The following ANP32E variants were observed in gnomAD, a reference collection of about 807,000 sequenced individuals.
The protein encoded by ANP32E is acidic nuclear phosphoprotein 32 family member E.
A neutral mutation model predicts 35.3 loss-of-function variants in ANP32E; 14 were observed. That is an observed-to-expected ratio of 0.40 (90% CI 0.26 to 0.62). The LOEUF (loss-of-function observed/expected upper bound fraction) is 0.62. Ranked by LOEUF, ANP32E falls within the 20% of genes least tolerant of loss-of-function variation. ANP32E has a pLI of 0.45. For missense variants in ANP32E, 198 were observed against 304.4 expected, an observed-to-expected ratio of 0.65 and a Z score of 2.60; for synonymous variants, 89 against 110.4, an observed-to-expected ratio of 0.81 and a Z score of 1.22.
At chr1:150,232,032 G>C (rs782689026) in intron 1 of ANP32E, 106 bp from the exon 2 acceptor site, 203 of 1,171,920 alleles carry the variant, frequency 1.7e-4, no homozygotes, top group Non-Finnish European at 2.4e-4. Context: ...CCAATCTCCA[G>C]TTTGATTGCC....
At position 150,235,848 on chromosome 1, in the gene ANP32E, C is replaced by A; in HGVS notation, c.-62G>T. 7.9e-7 allele frequency: 1 copy of A among 1,273,806 alleles called. No individual in the cohort carries two copies. The highest frequency in any genetic ancestry group is 1.1e-6 in the Non-Finnish European group (1 of 894,448). The allele number at this position is 1,273,806 out of a possible 1,614,324, so 78.9% of individuals were successfully genotyped here. A position where few individuals can be genotyped will look rare whatever the true frequency, so the allele number is the denominator to read the frequency against. On this transcript the variant is annotated 5_prime_UTR_variant, in exon 1 of 7. Transcript: ENST00000583931. The surrounding 1 kb of genome is among the most constrained non-coding windows in gnomAD (Gnocchi z 4.2). The stretch of plus-strand genomic sequence containing the variant: ...CCCTTTCCTGCCTTCCCCAATACCC[C>A]CAACCCAAAATTTTTAAGAGATTTA...
chr1:150,235,798 G>T lies in ANP32E; in HGVS notation c.-12C>A. 1.3e-6 allele frequency: 2 copies of T among 1,571,182 alleles called. No homozygotes were observed. The highest frequency in any genetic ancestry group is 1.7e-6 in the Non-Finnish European group (2 of 1,150,698). ...TTCTTCATCTCCATGTCCTCCTCTT[G>T]CTCTTCAGCTACTACTCTCCTTTTC... On this transcript the variant is annotated 5_prime_UTR_variant, in exon 1 of 7. Coordinates refer to ENST00000583931, the MANE Select transcript of ANP32E (RefSeq NM_030920.5). The surrounding 1 kb of genome is among the most constrained non-coding windows in gnomAD (Gnocchi z 4.2).
At chr1:150,230,463 C>G in intron 3 of ANP32E, 108 bp downstream of exon 3, 1 of 1,148,128 alleles carries the variant, frequency 8.7e-7, no homozygotes, top group Non-Finnish European at 1.2e-6. Flanking sequence ...TCACAACATA[C>G]AAAAAATTCT....
intron 1 of ANP32E, among the ~76,000 whole-genome samples, chr1:150,234,151 C>T (rs2101798501): frequency 6.6e-6 from 1 of 150,614 alleles, no homozygotes; most frequent in Middle Eastern, 3.4e-3. Flanking sequence ...TTGCACACCC[C>T]AAAACTGGCA....
chr1:150,221,607 A>T (rs1648413179), intron 6 of ANP32E, among the ~76,000 whole-genome samples: 1 of 143,198 alleles, frequency 7.0e-6, no homozygotes, highest in African/African-American at 2.6e-5. Flanking sequence ...GGAGGGAGGG[A>T]AGGAAGGAAG....
At chr1:150,234,476 G>T (rs1483001681) in intron 1 of ANP32E, 4 of 551,476 alleles carry the variant, frequency 7.3e-6, no homozygotes, top group Non-Finnish European at 9.2e-6. Context: ...GGACGCGAAA[G>T]CCCAGACAGA....
At chr1:150,230,493 A>C in intron 3 of ANP32E, 78 bp downstream of exon 3, 1 of 1,396,720 alleles carries the variant, frequency 7.2e-7, no homozygotes, top group Non-Finnish European at 9.6e-7. Context: ...AGAGTTAAAT[A>C]GAAATTAATA....
At position 150,220,526 on chromosome 1, in the gene ANP32E, CTA is replaced by C; in HGVS notation, c.*163_*164del. The C allele has an allele frequency of 1.6e-6, 1 of 637,176 alleles. No individual in the cohort carries two copies. The highest frequency in any genetic ancestry group is 2.7e-6 in the Non-Finnish European group (1 of 364,016). The allele number at this position is 637,176 out of a possible 1,614,324, so 39.5% of individuals were successfully genotyped here. A position where few individuals can be genotyped will look rare whatever the true frequency, so the allele number is the denominator to read the frequency against. ...TACATACAATATGATCATTAACAGACTAGTTCTTATTTGGAATGATAAGGCAA... is the reference window on the plus strand; with the variant it reads ...TACATACAATATGATCATTAACAGACGTTCTTATTTGGAATGATAAGGCAA... On this transcript the variant is annotated 3_prime_UTR_variant, in exon 7 of 7. Transcript: ENST00000583931.
In ANP32E at chr1:150,221,604, G is replaced by GGGAAAGAAGGAAGGAAGGAAGGAAGGAA. The variant is rs1648411408; in HGVS notation, c.737-844_737-843insTTCCTTCCTTCCTTCCTTCCTTCTTTCC. ...AGGAAGGGAGGGAGGGAGGGAGGGA[G>GGGAAAGAAGGAAGGAAGGAAGGAAGGAA]GGAAGGAAGGAAGGAAGGAAGGAAA... On this transcript the variant is annotated intron_variant, in intron 6 of 6. Transcript: ENST00000583931. Among the ~76,000 whole-genome samples, 3 of 36,896 alleles carry GGGAAAGAAGGAAGGAAGGAAGGAAGGAA rather than the reference G, an allele frequency of 8.1e-5. No homozygotes were observed. In the East Asian group the frequency reaches 3.5e-3, roughly 43 times the overall value. The allele number at this position is 36,896 out of a possible 152,430, so 24.2% of individuals were successfully genotyped here. A position where few individuals can be genotyped will look rare whatever the true frequency, so the allele number is the denominator to read the frequency against.
chr1:150,229,177 C>T lies in ANP32E; in HGVS notation c.388G>A (p.Asp130Asn). The change falls in exon 4 of 7, where the codon GAT (aspartate) becomes AAT (asparagine). Residue 130 changes from aspartate (D) to asparagine (N), a missense_variant. Physicochemically the swap from Asp to Asn is conservative, Grantham distance 23. Transcript: ENST00000583931. ...LFNCEITNLE[D>N]YRESIFELLQ... The stretch of plus-strand genomic sequence containing the variant: ...AGTTCAAAAATACTTTCTCTATAAT[C>T]TTCCAGGTTTGTGATCTCACAGTTA... 6.2e-7 allele frequency: 1 copy of T among 1,612,978 alleles called. No individual in the cohort carries two copies. Among genetic ancestry groups the T allele is most frequent in the South Asian group, 1.1e-5 (1 of 91,048 alleles).
At chr1:150,225,475 G>A (rs1648785735) in intron 5 of ANP32E, among the ~76,000 whole-genome samples, 1 of 151,802 alleles carries the variant, frequency 6.6e-6, no homozygotes, top group Non-Finnish European at 1.5e-5. Context: ...TTCAAGACCA[G>A]CCTGGCCAAC....
chr1:150,223,637 C>G (rs1397119771), intron 5 of ANP32E, among the ~76,000 whole-genome samples: 1 of 136,876 alleles, frequency 7.3e-6, no homozygotes, highest in Admixed American at 7.7e-5. Flanking sequence ...GCTGAGATAG[C>G]GCCATTGCAC....
At chr1:150,233,157 C>T (rs1462823135) in intron 1 of ANP32E, among the ~76,000 whole-genome samples, 6 of 149,368 alleles carry the variant, frequency 4.0e-5, no homozygotes, top group Non-Finnish European at 5.9e-5. Flanking sequence ...GCCAGCTACT[C>T]GGGAAGTTGA....
At position 150,226,797 on chromosome 1, in the gene ANP32E, T is replaced by G; in HGVS notation, c.494-2A>C. The G allele has an allele frequency of 1.3e-6, 2 of 1,596,924 alleles. No individual in the cohort carries two copies. Among genetic ancestry groups the G allele is most frequent in the Non-Finnish European group, 1.7e-6 (2 of 1,175,090 alleles). On this transcript the variant is annotated splice_acceptor_variant, in intron 4 of 6. Transcript: ENST00000583931. LOFTEE classifies it high-confidence loss of function. The stretch of plus-strand genomic sequence containing the variant: ...CCTCTTCATCATCTTCATCGCCATC[T>G]TTAAAAAATCATTTAAAGATGAGTA...
chr1:150,235,613 A>C lies in ANP32E; in HGVS notation c.54+120T>G. The C allele has an allele frequency of 9.3e-7, 1 of 1,071,386 alleles. No homozygotes were observed. 66.4% of individuals were successfully genotyped at this position (1,071,386 alleles called of 1,614,324 possible). ...AAAATTAAACATTTCCCCAACCCTA[A>C]CCCGGGGGGATGGGGGCTAACTTAT... is the stretch of plus-strand genomic sequence containing the variant. On this transcript the variant is annotated intron_variant, in intron 1 of 6. Coordinates refer to ENST00000583931, the MANE Select transcript of ANP32E (RefSeq NM_030920.5). The surrounding 1 kb of genome is among the most constrained non-coding windows in gnomAD (Gnocchi z 4.2).
chr1:150,222,755 TCAAA>T (rs756752088), intron 6 of ANP32E, among the ~76,000 whole-genome samples: 3 of 151,288 alleles, frequency 2.0e-5, no homozygotes, highest in African/African-American at 7.3e-5. Context: ...AGACCCTGTT[TCAAA>T]CAAACAAACA....
chr1:150,220,725 T>A lies in ANP32E; in HGVS notation c.773A>T (p.Asp258Val). ...TTCTTCCTCTCCATCGTCTTCAGCA[T>A]CTCGTTTCCTCTTCTCCCCTCGAAG... is the stretch of plus-strand genomic sequence containing the variant. ...GGLRGEKRKRDAEDDGEEEDD is the reference protein window; with the variant it reads ...GGLRGEKRKRVAEDDGEEEDD The change falls in exon 7 of 7, where the codon GAT becomes GTT. Residue 258 changes from aspartate (D) to valine (V), a missense_variant. Asp to Val is a radical substitution (Grantham distance 152). Transcript: ENST00000583931. The A allele has an allele frequency of 6.2e-7, 1 of 1,614,084 alleles. No homozygotes were observed. The highest frequency in any genetic ancestry group is 8.5e-7 in the Non-Finnish European group (1 of 1,179,974).
At chr1:150,233,220 G>A (rs1337494016) in intron 1 of ANP32E, among the ~76,000 whole-genome samples, 1 of 140,978 alleles carries the variant, frequency 7.1e-6, no homozygotes, top group Non-Finnish European at 1.5e-5. Flanking sequence ...AGCCGAGGCC[G>A]CACCATTGCA....
In ANP32E at chr1:150,223,136, A is replaced by G. The variant is rs782695775; in HGVS notation, c.736+50T>C. Reference sequence around the variant, plus strand: ...AAATACAAATAAATAAAGTATAAAAAATGACTATGTCTTTAATTTTATAAT... The same window carrying G: ...AAATACAAATAAATAAAGTATAAAAGATGACTATGTCTTTAATTTTATAAT... On this transcript the variant is annotated intron_variant, in intron 6 of 6. Transcript: ENST00000583931. 5 of 1,465,570 alleles carry G rather than the reference A, an allele frequency of 3.4e-6. No homozygotes were observed. The Admixed American group carries it at 1.1e-4, about 31-fold the overall frequency. The allele number at this position is 1,465,570 out of a possible 1,614,324, so 90.8% of individuals were successfully genotyped here. A position where few individuals can be genotyped will look rare whatever the true frequency, so the allele number is the denominator to read the frequency against.
Sources: allele counts gnomAD v4.1 joint callset (sites outside exome capture counted in the v4.1 genomes callset), GRCh38; gene constraint gnomAD v4.1.1; non-coding constraint Gnocchi (gnomAD v3.1); transcripts MANE v1.5; gene names NCBI Gene and HGNC (gene_info 2026-07-23, HGNC 2026-07-21).